The following PCDHA9 variants were observed in gnomAD, a reference collection of about 807,000 sequenced individuals.
The protein encoded by PCDHA9 is protocadherin alpha-9.
PCDHA9 carries 62 observed loss-of-function variants against 62.0 expected under a neutral mutation model. The observed-to-expected ratio is 1.00, with a 90% confidence interval of 0.81 to 1.23. The LOEUF (loss-of-function observed/expected upper bound fraction) is 1.23. PCDHA9 is among the 50% of genes most tolerant of loss of function. PCDHA9 has a pLI of 0.00. For missense variants in PCDHA9, 1,205 were observed against 1,249.8 expected, an observed-to-expected ratio of 0.96 and a Z score of 0.54; for synonymous variants, 557 against 567.6, an observed-to-expected ratio of 0.98 and a Z score of 0.27.
At position 140,856,259 on chromosome 5, in the gene PCDHA9, G is replaced by T. The variant is rs199529084; in HGVS notation, c.2394+5370G>T. The T allele has an allele frequency of 2.8e-5, 45 of 1,597,976 alleles. 8 individuals are homozygous for T. Among genetic ancestry groups the T allele is most frequent in the Non-Finnish European group, 2.9e-5 (34 of 1,167,878 alleles). The stretch of plus-strand genomic sequence containing the variant: ...GTTCCGGGTGGCGTCCAAAAGACAC[G>T]GGGACCTTCTGGAGGTAAATCTGCA... On this transcript the variant is annotated intron_variant, in intron 1 of 3. Coordinates refer to ENST00000532602, the MANE Select transcript of PCDHA9 (RefSeq NM_031857.2).
Position 140,850,748 on chromosome 5 carries a change from G to T in PCDHA9, c.2253G>T (p.Ser751=), listed in dbSNP as rs2150496861. ...GCGCGGTGGGGAGTTGGTCGTACTCGCAGCAGAGGAGGCAGAGGGTGTGCT... is the reference window on the plus strand; with the variant it reads ...GCGCGGTGGGGAGTTGGTCGTACTCTCAGCAGAGGAGGCAGAGGGTGTGCT... The part of the protein sequence containing the change: ...CSSAVGSWSY[S]QQRRQRVCSG... The change falls in exon 1 of 4, where the codon TCG becomes TCT. Residue 751 remains serine (S), a synonymous_variant. Coordinates refer to ENST00000532602, the MANE Select transcript of PCDHA9 (RefSeq NM_031857.2). 2 of 1,597,980 alleles carry T rather than the reference G, an allele frequency of 1.3e-6. No individual in the cohort carries two copies. The highest frequency in any genetic ancestry group is 1.1e-5 in the South Asian group (1 of 90,504).
At chr5:140,957,221 C>T (rs1171404836) in intron 1 of PCDHA9, among the ~76,000 whole-genome samples, 3 of 151,984 alleles carry the variant, frequency 2.0e-5, no homozygotes, top group Non-Finnish European at 4.4e-5. Flanking sequence ...AAAAATTTGG[C>T]GAAGCATTTT....
At chr5:140,862,964 G>T (rs782069131) in intron 1 of PCDHA9, 2 of 544,720 alleles carry the variant, frequency 3.7e-6, no homozygotes, top group South Asian at 2.8e-5. Context: ...TTCAGTGGAT[G>T]CAGGCCACTT....
intron 1 of PCDHA9, among the ~76,000 whole-genome samples, chr5:140,964,205 T>C (rs1483183685): frequency 6.6e-6 from 1 of 152,212 alleles, no homozygotes; most frequent in Admixed American, 6.5e-5. Context: ...TACCATCTCT[T>C]TAGTACAATG....
chr5:140,920,745 G>T (rs2079798907), intron 1 of PCDHA9, among the ~76,000 whole-genome samples: 1 of 151,878 alleles, frequency 6.6e-6, no homozygotes, highest in Admixed American at 6.6e-5. Flanking sequence ...TCAGGAGGCT[G>T]AGGCAGGAGA....
At chr5:140,881,393 A>T (rs1216651655) in intron 1 of PCDHA9, 1 of 979,528 alleles carries the variant, frequency 1.0e-6, no homozygotes, top group African/African-American at 1.8e-5. Context: ...GGTAAGTTAA[A>T]TTCTATTAAA....
At chr5:140,962,319 T>A (rs1585921663) in intron 1 of PCDHA9, among the ~76,000 whole-genome samples, 1 of 152,226 alleles carries the variant, frequency 6.6e-6, no homozygotes, top group Admixed American at 6.5e-5. Context: ...GCCATCTCAA[T>A]TGAGAATACT....
intron 1 of PCDHA9, among the ~76,000 whole-genome samples, chr5:140,902,253 G>T (rs1170626795): frequency 1.4e-5 from 2 of 144,500 alleles, no homozygotes; most frequent in Non-Finnish European, 3.0e-5. Flanking sequence ...GCCCAGGCTG[G>T]TCTCGAACTC....
intron 1 of PCDHA9, chr5:140,863,295 C>A: frequency 6.8e-7 from 1 of 1,463,648 alleles, no homozygotes; most frequent in South Asian, 1.1e-5. Context: ...TGTACCTGAT[C>A]ATCGCCATCT....
chr5:140,972,910 C>G (rs2096563603), intron 1 of PCDHA9, among the ~76,000 whole-genome samples: 1 of 152,054 alleles, frequency 6.6e-6, no homozygotes, highest in Non-Finnish European at 1.5e-5. Flanking sequence ...GATCCACCCG[C>G]CTTGGCCTCC....
chr5:140,897,561 G>A (rs1168105225), intron 1 of PCDHA9, among the ~76,000 whole-genome samples: 1 of 151,976 alleles, frequency 6.6e-6, no homozygotes, highest in Non-Finnish European at 1.5e-5. Flanking sequence ...GTGTATATGT[G>A]CCACATTTTC....
chr5:140,955,641 A>G (rs173471), intron 1 of PCDHA9, among the ~76,000 whole-genome samples: 85,644 of 151,978 alleles, frequency 0.56, 24,753 homozygotes, highest in African/African-American at 0.69. Flanking sequence ...TGTGAGAACA[A>G]ATTAATACAC....
At chr5:140,857,747 T>C (rs2150398019) in intron 1 of PCDHA9, 2 of 1,597,058 alleles carry the variant, frequency 1.3e-6, no homozygotes, top group South Asian at 1.1e-5. Context: ...GCTGCTGGCG[T>C]CTCCCGCTGG....
rs542701193 is a variant in PCDHA9 at position 140,931,976 on chromosome 5, A to G, written c.2395-46973A>G. 2.6e-5 allele frequency among the ~76,000 whole-genome samples: 4 copies of G among 152,074 alleles called. No homozygotes were observed. In the East Asian group the frequency reaches 7.7e-4, roughly 29 times the overall value. On this transcript the variant is annotated intron_variant, in intron 1 of 3. Coordinates refer to ENST00000532602, the MANE Select transcript of PCDHA9 (RefSeq NM_031857.2). ...GAATCATGTTGATGCATATGTGTTTATATTTTGCTCAAATTCTAAGTTCTT... is the reference window on the plus strand; with the variant it reads ...GAATCATGTTGATGCATATGTGTTTGTATTTTGCTCAAATTCTAAGTTCTT...
chr5:140,856,002 G>A, intron 1 of PCDHA9: 2 of 1,534,758 alleles, frequency 1.3e-6, no homozygotes, highest in African/African-American at 1.4e-5. Context: ...TCGTATGTGC[G>A]TTCTAGACCG....
At chr5:140,913,934 G>C (rs1554196103) in intron 1 of PCDHA9, among the ~76,000 whole-genome samples, 1 of 152,102 alleles carries the variant, frequency 6.6e-6, no homozygotes, top group African/African-American at 2.4e-5. Context: ...TGTGGTCAGA[G>C]AAGAATCTTG....
chr5:140,926,068 G>A (rs2082901302), intron 1 of PCDHA9, among the ~76,000 whole-genome samples: 1 of 152,168 alleles, frequency 6.6e-6, no homozygotes, highest in African/African-American at 2.4e-5. Context: ...CCTCCTTGTC[G>A]TCTCTATTGC....
chr5:140,897,677 G>T (rs1390475923), intron 1 of PCDHA9, among the ~76,000 whole-genome samples: 1 of 152,168 alleles, frequency 6.6e-6, no homozygotes, highest in African/African-American at 2.4e-5. Flanking sequence ...ATAGCAGCAT[G>T]ATTTATAGTC....
chr5:140,906,456 G>T (rs527287837), intron 1 of PCDHA9, among the ~76,000 whole-genome samples: 1 of 152,278 alleles, frequency 6.6e-6, no homozygotes, highest in African/African-American at 2.4e-5. Context: ...ATAAAATGAA[G>T]ATATTTTCTT....
Sources: allele counts gnomAD v4.1 joint callset (sites outside exome capture counted in the v4.1 genomes callset), GRCh38; gene constraint gnomAD v4.1.1; transcripts MANE v1.5; gene names NCBI Gene and HGNC (gene_info 2026-07-23, HGNC 2026-07-21).